LRRC32: variants seen among roughly 807,000 people sequenced by gnomAD.
The protein encoded by LRRC32 is leucine rich repeat containing 32.
In LRRC32, 5 loss-of-function variants were observed where a neutral mutation model predicts 15.0. The ratio of observed to expected loss-of-function variants is 0.33; its 90% CI spans 0.17 to 0.70. LRRC32 has a LOEUF of 0.70. Among genes scored for constraint, LRRC32 ranks in the 30% least tolerant of loss-of-function variants. The pLI is 0.66. For synonymous variants in LRRC32, 391 were observed against 403.9 expected (o/e 0.97, Z 0.38); for missense variants, 803 against 854.2 (o/e 0.94, Z 0.75).
intron 1 of LRRC32, among the ~76,000 whole-genome samples, chr11:76,668,108 A>C (rs1952654214): frequency 6.6e-6 from 1 of 151,376 alleles, no homozygotes; most frequent in African/African-American, 2.4e-5. Flanking sequence ...CTCACAGCAC[A>C]CAACAGGTCA....
At chr11:76,669,553 C>T (rs953303075) in intron 1 of LRRC32, among the ~76,000 whole-genome samples, 1 of 152,076 alleles carries the variant, frequency 6.6e-6, no homozygotes. Context: ...ACTGTAATTC[C>T]CATTTTACGG....
intron 2 of LRRC32, among the ~76,000 whole-genome samples, chr11:76,662,170 C>T (rs1031602850): frequency 6.6e-6 from 1 of 151,944 alleles, no homozygotes; most frequent in African/African-American, 2.4e-5. Context: ...GCTGTTACCT[C>T]CTAGGAGGTG....
Position 76,665,855 on chromosome 11 carries a change from G to A in LRRC32, c.84+16C>T, listed in dbSNP as rs1197098191. On this transcript the variant is annotated intron_variant, in intron 2 of 2. Transcript: ENST00000260061. ...GGTGGGGGTGGTCCTCACCCTGTCT[G>A]GGCAGAGCATCTTACCATCTTACAG... is the stretch of plus-strand genomic sequence containing the variant. 2 of 1,613,850 alleles carry A rather than the reference G, an allele frequency of 1.2e-6. No individual in the cohort carries two copies. Among genetic ancestry groups the A allele is most frequent in the Non-Finnish European group, 1.7e-6 (2 of 1,179,914 alleles).
intron 1 of LRRC32, among the ~76,000 whole-genome samples, chr11:76,667,742 A>G (rs1181659740): frequency 6.6e-6 from 1 of 152,232 alleles, no homozygotes; most frequent in Non-Finnish European, 1.5e-5. Context: ...GCCACTGGGG[A>G]GCATGCCCTG....
intron 1 of LRRC32, among the ~76,000 whole-genome samples, chr11:76,669,380 T>A (rs1016182470): frequency 5.4e-5 from 8 of 147,056 alleles, no homozygotes; most frequent in Admixed American, 2.0e-4. Context: ...TGTGTGTGTG[T>A]GTGTGTGAGA....
chr11:76,661,189 C>A lies in LRRC32; in HGVS notation c.404G>T (p.Ser135Ile). 6.2e-7 allele frequency: 1 copy of A among 1,613,880 alleles called. No homozygotes were observed. The highest frequency in any genetic ancestry group is 8.5e-7 in the Non-Finnish European group (1 of 1,179,934). Reference sequence around the variant, plus strand: ...CCGCTCCAGCAGGCCGCTGTACAGGCTGTTCCCAGACAGGTCCAGGGAGGT... The same window carrying A: ...CCGCTCCAGCAGGCCGCTGTACAGGATGTTCCCAGACAGGTCCAGGGAGGT... ...RVTSLDLSGN[S>I]LYSGLLERLL... Residue 135 changes from serine to isoleucine, a missense_variant, in exon 3 of 3, where the codon AGC becomes ATC. Ser to Ile is a moderately radical substitution (Grantham distance 142). Coordinates refer to ENST00000260061, the MANE Select transcript of LRRC32 (RefSeq NM_001128922.2).
chr11:76,661,541 A>C, intron 2 of LRRC32, 33 bp from the exon 3 acceptor site: 1 of 1,546,236 alleles, frequency 6.5e-7, no homozygotes, highest in Non-Finnish European at 8.7e-7. Flanking sequence ...GACAGCTGGC[A>C]TAAGTGGGCA....
At chr11:76,665,284 G>A (rs1952606279) in intron 2 of LRRC32, among the ~76,000 whole-genome samples, 1 of 152,152 alleles carries the variant, frequency 6.6e-6, no homozygotes, top group Non-Finnish European at 1.5e-5. Context: ...TATTGAGATA[G>A]GGGGAAGCCT....
chr11:76,660,249 C>T lies in LRRC32; in HGVS notation c.1344G>A (p.Leu448=), dbSNP rs372728105. 4 of 1,575,476 alleles carry T rather than the reference C, an allele frequency of 2.5e-6. No homozygotes were observed. Among genetic ancestry groups the T allele is most frequent in the Admixed American group, 3.7e-5 (2 of 53,922 alleles). ...AFSGITSLRS[L]SLVDNEIELL... is the part of the protein sequence containing the mutation. Reference sequence around the variant, plus strand: ...GCTCTATCTCATTATCCACCAGGCTCAGGCTGCGGAGGGAGGTGATGCCGG... The same window carrying T: ...GCTCTATCTCATTATCCACCAGGCTTAGGCTGCGGAGGGAGGTGATGCCGG... Residue 448 remains leucine, a synonymous_variant, in exon 3 of 3, where the codon CTG becomes CTA. Transcript: ENST00000260061.
intron 2 of LRRC32, among the ~76,000 whole-genome samples, chr11:76,665,205 T>C: frequency 6.6e-6 from 1 of 152,156 alleles, no homozygotes; most frequent in East Asian, 1.9e-4. Flanking sequence ...CCTAGGGAAG[T>C]TCATGGTCTG....
Position 76,659,815 on chromosome 11 carries a change from T to A in LRRC32, c.1778A>T (p.Asp593Val). The change falls in exon 3 of 3, where the codon GAC becomes GTC. Residue 593 changes from aspartate (D) to valine (V), a missense_variant. Asp to Val is a radical substitution (Grantham distance 152). Coordinates refer to ENST00000260061, the MANE Select transcript of LRRC32 (RefSeq NM_001128922.2). Reference protein sequence around the residue: ...AQLHQGRVDVDATQDLICRFS... With the variant: ...AQLHQGRVDVVATQDLICRFS... ...GCGGCAGATCAGGTCCTGGGTGGCGTCCACGTCCACACGGCCCTGGTGCAG... is the reference window on the plus strand; with the variant it reads ...GCGGCAGATCAGGTCCTGGGTGGCGACCACGTCCACACGGCCCTGGTGCAG... 1 of 1,614,156 alleles carries A rather than the reference T, an allele frequency of 6.2e-7. No individual in the cohort carries two copies. The highest frequency in any genetic ancestry group is 8.5e-7 in the Non-Finnish European group (1 of 1,180,024).
chr11:76,668,290 C>T (rs1952657714), intron 1 of LRRC32, among the ~76,000 whole-genome samples: 1 of 152,176 alleles, frequency 6.6e-6, no homozygotes. Flanking sequence ...CTACTTCCCT[C>T]TTATCACTGC....
rs145077681 is a variant in LRRC32, at chr11:76,660,256, C to T, written c.1337G>A (p.Arg446His). 58 of 1,574,972 alleles carry T rather than the reference C, an allele frequency of 3.7e-5. No homozygotes were observed. The highest frequency in any genetic ancestry group is 3.4e-4 in the African/African-American group (25 of 73,480). Residue 446 changes from arginine to histidine, a missense_variant, in exon 3 of 3, where the codon CGC (arginine) becomes CAC (histidine). Coordinates refer to ENST00000260061, the MANE Select transcript of LRRC32 (RefSeq NM_001128922.2). ...CTCATTATCCACCAGGCTCAGGCTGCGGAGGGAGGTGATGCCGGAGAAGGC... is the reference window on the plus strand; with the variant it reads ...CTCATTATCCACCAGGCTCAGGCTGTGGAGGGAGGTGATGCCGGAGAAGGC... The part of the protein sequence containing the change: ...CVAFSGITSL[R>H]SLSLVDNEIE...
chr11:76,660,889 G>T lies in LRRC32; in HGVS notation c.704C>A (p.Thr235Lys). Reference sequence around the variant, plus strand: ...GAACTCAGCCTGGGGCTGGGAGGCCGTCTGAAAGGCCTCGATGCTGTTGCA... The same window carrying T: ...GAACTCAGCCTGGGGCTGGGAGGCCTTCTGAAAGGCCTCGATGCTGTTGCA... ...LSCNSIEAFQ[T>K]ASQPQAEFQL... The change falls in exon 3 of 3, where the codon ACG becomes AAG. Residue 235 changes from threonine (T) to lysine (K), a missense_variant. Thr to Lys is a moderately conservative substitution (Grantham distance 78). Transcript: ENST00000260061. The T allele has an allele frequency of 6.2e-7, 1 of 1,614,172 alleles. No individual in the cohort carries two copies. Among genetic ancestry groups the T allele is most frequent in the Non-Finnish European group, 8.5e-7 (1 of 1,180,018 alleles).
In LRRC32 at chr11:76,660,184, T is replaced by A. The variant is rs141756735; in HGVS notation, c.1409A>T (p.Glu470Val). Residue 470 changes from glutamate to valine, a missense_variant, in exon 3 of 3, where the codon GAG becomes GTG. Glu to Val is a moderately radical substitution (Grantham distance 121). Coordinates refer to ENST00000260061, the MANE Select transcript of LRRC32 (RefSeq NM_001128922.2). ...CCCAGGATTGGAAGAAAGGTCCAGC[T>A]CAGTCAGTGGGGTGTGGAGGAAGGC... is the stretch of plus-strand genomic sequence containing the variant. ...AGAFLHTPLT[E>V]LDLSSNPGLE... The A allele has an allele frequency of 6.3e-7, 1 of 1,593,098 alleles. No individual in the cohort carries two copies. The highest frequency in any genetic ancestry group is 1.1e-5 in the South Asian group (1 of 88,260).
Position 76,660,256 on chromosome 11 carries a change from C to A in LRRC32, c.1337G>T (p.Arg446Leu), listed in dbSNP as rs145077681. The stretch of plus-strand genomic sequence containing the variant: ...CTCATTATCCACCAGGCTCAGGCTG[C>A]GGAGGGAGGTGATGCCGGAGAAGGC... ...CVAFSGITSL[R>L]SLSLVDNEIE... The change falls in exon 3 of 3, where the codon CGC (arginine) becomes CTC (leucine). Residue 446 changes from arginine to leucine, a missense_variant. Arg to Leu is a moderately radical substitution (Grantham distance 102). Transcript: ENST00000260061. The A allele has an allele frequency of 3.8e-6, 6 of 1,575,090 alleles. No homozygotes were observed. The highest frequency in any genetic ancestry group is 4.3e-6 in the Non-Finnish European group (5 of 1,162,890).
intron 1 of LRRC32, among the ~76,000 whole-genome samples, chr11:76,668,781 G>A (rs1013868356): frequency 6.6e-6 from 1 of 152,148 alleles, no homozygotes; most frequent in Non-Finnish European, 1.5e-5. Context: ...GACAAGGAAG[G>A]GTCCTAGGCC....
rs1952472279 is a variant in LRRC32 at position 76,659,558 on chromosome 11, C to G, written c.*46G>C. On this transcript the variant is annotated 3_prime_UTR_variant, in exon 3 of 3. Transcript: ENST00000260061. ...ACCTTGAGTCAGTCCTCACTCTTCT[C>G]TGTACCTCAGGCTCCCCCACTGACC... 1 of 1,581,306 alleles carries G rather than the reference C, an allele frequency of 6.3e-7. No individual in the cohort carries two copies.
At chr11:76,664,971 C>A (rs1017396696) in intron 2 of LRRC32, among the ~76,000 whole-genome samples, 3 of 152,190 alleles carry the variant, frequency 2.0e-5, no homozygotes, top group Non-Finnish European at 2.9e-5. Context: ...AAGCAGCTGC[C>A]GGTTCTGTGT....
Sources: gnomAD v4.1 joint callset for allele counts (sites outside exome capture counted in the v4.1 genomes callset) on GRCh38, gnomAD v4.1.1 for gene constraint, MANE v1.5 for transcripts, NCBI Gene and HGNC (gene_info 2026-07-23, HGNC 2026-07-21) for gene names.